Variants in MRPS18A observed in about 807,000 individuals in gnomAD.
MRPS18A encodes the protein mitochondrial ribosomal protein S18A.
MRPS18A carries 20 observed loss-of-function variants against 22.7 expected under a neutral mutation model. That is an observed-to-expected ratio of 0.88 (90% CI 0.62 to 1.28). The LOEUF (loss-of-function observed/expected upper bound fraction) is 1.28. MRPS18A is among the 50% of genes most tolerant of loss of function. The probability of loss-of-function intolerance (pLI) is 0.00; values close to 1 mark genes in which losing one functional copy is unlikely to be tolerated. For synonymous variants in MRPS18A, 106 were observed against 99.1 expected (o/e 1.07, Z -0.41); for missense variants, 294 against 262.6 (o/e 1.12, Z -0.83).
At chr6:43,686,949 T>C (rs1287280446) in intron 1 of MRPS18A, among the ~76,000 whole-genome samples, 1 of 152,250 alleles carries the variant, frequency 6.6e-6, no homozygotes, top group East Asian at 1.9e-4. Context: ...AAAGGCTAAC[T>C]TGCATTTATT....
In MRPS18A at chr6:43,676,967, T is replaced by A. The variant is rs550794676; in HGVS notation, c.253-1350A>T. ...CTCCACCCTAGGCTGCCAAGCAAGCTAACAGCTTTGTGCAGCTCAGGATAA... is the reference window on the plus strand; with the variant it reads ...CTCCACCCTAGGCTGCCAAGCAAGCAAACAGCTTTGTGCAGCTCAGGATAA... On this transcript the variant is annotated intron_variant, in intron 3 of 5. Coordinates refer to ENST00000372133, the MANE Select transcript of MRPS18A (RefSeq NM_018135.4). Among the ~76,000 whole-genome samples, 11 of 152,328 alleles carry A rather than the reference T, an allele frequency of 7.2e-5. No homozygotes were observed. The East Asian group carries it at 1.7e-3, about 24-fold the overall frequency.
intron 2 of MRPS18A, among the ~76,000 whole-genome samples, chr6:43,679,634 G>T (rs1345876034): frequency 6.6e-6 from 1 of 152,276 alleles, no homozygotes; most frequent in South Asian, 2.1e-4. Flanking sequence ...TGGGTTATGA[G>T]AGTGAGGCTG....
intron 1 of MRPS18A, among the ~76,000 whole-genome samples, chr6:43,684,155 A>G (rs1490792367): frequency 1.3e-5 from 2 of 152,148 alleles, no homozygotes; most frequent in African/African-American, 4.8e-5. Context: ...AAAAACCTTG[A>G]TGGCCACATG....
At chr6:43,672,112 C>T in intron 5 of MRPS18A, 1 of 635,300 alleles carries the variant, frequency 1.6e-6, no homozygotes, top group East Asian at 2.8e-5. Flanking sequence ...CTGCCGCAAG[C>T]CTGTGTGGCC....
At chr6:43,679,907 C>T (rs1774291249) in intron 2 of MRPS18A, among the ~76,000 whole-genome samples, 2 of 152,122 alleles carry the variant, frequency 1.3e-5, no homozygotes, top group Non-Finnish European at 2.9e-5. Context: ...ATATGTGTGG[C>T]TCAGTGCTAA....
chr6:43,680,813 G>A (rs1293583781), intron 2 of MRPS18A, among the ~76,000 whole-genome samples: 2 of 152,140 alleles, frequency 1.3e-5, no homozygotes, highest in African/African-American at 2.4e-5. Context: ...TTCAACACCC[G>A]CCAAAGAGCT....
At chr6:43,676,363 G>A (rs555394618) in intron 3 of MRPS18A, among the ~76,000 whole-genome samples, 45 of 152,158 alleles carry the variant, frequency 3.0e-4, no homozygotes, top group Non-Finnish European at 5.1e-4. Context: ...TATGCAAACA[G>A]CCCCTCCACC....
At chr6:43,684,263 A>C (rs536123359) in intron 1 of MRPS18A, among the ~76,000 whole-genome samples, 1 of 152,218 alleles carries the variant, frequency 6.6e-6, no homozygotes, top group Non-Finnish European at 1.5e-5. Context: ...TGAAGTGCCC[A>C]GAGACCAAGG....
chr6:43,685,536 G>T (rs879746957), intron 1 of MRPS18A, among the ~76,000 whole-genome samples: 2 of 152,126 alleles, frequency 1.3e-5, no homozygotes, highest in South Asian at 4.1e-4. Context: ...GTTACTGGGG[G>T]ACAAAATTGC....
At chr6:43,685,632 A>C (rs1037556819) in intron 1 of MRPS18A, among the ~76,000 whole-genome samples, 7 of 152,228 alleles carry the variant, frequency 4.6e-5, no homozygotes, top group Non-Finnish European at 1.0e-4. Context: ...GACTAAAATT[A>C]TGTATTATTA....
chr6:43,681,289 A>G (rs1274844276), intron 1 of MRPS18A, among the ~76,000 whole-genome samples, 169 bp from the exon 2 acceptor site: 1 of 152,244 alleles, frequency 6.6e-6, no homozygotes, highest in African/African-American at 2.4e-5. Context: ...ACTAGTGCCA[A>G]GGCTCTATGC....
At chr6:43,677,199 C>T (rs1358530335) in intron 3 of MRPS18A, among the ~76,000 whole-genome samples, 2 of 152,142 alleles carry the variant, frequency 1.3e-5, no homozygotes, top group South Asian at 2.1e-4. Flanking sequence ...CACTAACTTC[C>T]GCATGGTGAG....
At chr6:43,679,434 C>T (rs1774259725) in intron 2 of MRPS18A, among the ~76,000 whole-genome samples, 1 of 152,244 alleles carries the variant, frequency 6.6e-6, no homozygotes, top group African/African-American at 2.4e-5. Context: ...ATTTCTCTGT[C>T]ATGCTCCTTG....
At position 43,675,614 on chromosome 6, in the gene MRPS18A, C is replaced by T. The variant is rs528228716; in HGVS notation, c.256G>A (p.Val86Ile). ...NLKHKYNYDDVLLLSQFIRPH... is the reference protein window; with the variant it reads ...NLKHKYNYDDILLLSQFIRPH... ...CGGATGAACTGGCTAAGCAGCAGAACATCCTAGTGGAAACCGAAAATAGGG... is the reference window on the plus strand; with the variant it reads ...CGGATGAACTGGCTAAGCAGCAGAATATCCTAGTGGAAACCGAAAATAGGG... Residue 86 changes from valine (V) to isoleucine (I), a missense_variant, in exon 4 of 6, where the codon GTT becomes ATT. Physicochemically the swap from Val to Ile is conservative, Grantham distance 29. Coordinates refer to ENST00000372133, the MANE Select transcript of MRPS18A (RefSeq NM_018135.4). 1.2e-6 allele frequency: 2 copies of T among 1,609,782 alleles called. No homozygotes were observed. The highest frequency in any genetic ancestry group is 1.3e-5 in the African/African-American group (1 of 74,992).
chr6:43,687,307 G>T (rs1774761859), intron 1 of MRPS18A, among the ~76,000 whole-genome samples: 1 of 152,170 alleles, frequency 6.6e-6, no homozygotes, highest in African/African-American at 2.4e-5. Context: ...GCCTTCCTTC[G>T]TGATCCAGAG....
intron 1 of MRPS18A, 28 bp from the exon 2 acceptor site, chr6:43,681,148 G>A: frequency 6.2e-7 from 1 of 1,607,832 alleles, no homozygotes; most frequent in Non-Finnish European, 8.5e-7. Context: ...GAAACATTAG[G>A]TCAGCCATTT....
At chr6:43,680,527 C>A (rs1480834416) in intron 2 of MRPS18A, among the ~76,000 whole-genome samples, 1 of 152,098 alleles carries the variant, frequency 6.6e-6, no homozygotes, top group Non-Finnish European at 1.5e-5. Flanking sequence ...CCCATGACTC[C>A]CCAAGGAAGG....
chr6:43,684,971 C>G, intron 1 of MRPS18A, among the ~76,000 whole-genome samples: 1 of 152,122 alleles, frequency 6.6e-6, no homozygotes, highest in East Asian at 1.9e-4. Flanking sequence ...CATAATGGCA[C>G]TAAATGGTCT....
chr6:43,675,235 C>A lies in MRPS18A; in HGVS notation c.413G>T (p.Gly138Val), dbSNP rs1189225493. ...TTGGGGTTTGCTCTTCGGAACAACT[C>A]CTTCAGGAAGCCGAGGCCTGTGATT... Reference protein sequence around the residue: ...LPNHRPRLPEGVVPKSKPQLN... With the variant: ...LPNHRPRLPEVVVPKSKPQLN... Residue 138 changes from glycine (G) to valine (V), a missense_variant, in exon 5 of 6, where the codon GGA becomes GTA. Transcript: ENST00000372133. 1.3e-6 allele frequency: 2 copies of A among 1,524,300 alleles called. No homozygotes were observed. The highest frequency in any genetic ancestry group is 2.2e-5 in the Admixed American group (1 of 45,814). 94.4% of individuals were successfully genotyped at this position (1,524,300 alleles called of 1,614,324 possible).
Sources: gnomAD v4.1 joint callset for allele counts (sites outside exome capture counted in the v4.1 genomes callset) on GRCh38, gnomAD v4.1.1 for gene constraint, MANE v1.5 for transcripts, NCBI Gene and HGNC (gene_info 2026-07-23, HGNC 2026-07-21) for gene names.